APBA1: variants seen among roughly 807,000 people sequenced by gnomAD.
APBA1 encodes amyloid-beta A4 precursor protein-binding family A member 1.
In APBA1, 55 loss-of-function variants were observed where a neutral mutation model predicts 86.6. The observed-to-expected ratio is 0.64, with a 90% CI of 0.51 to 0.80. The LOEUF (loss-of-function observed/expected upper bound fraction) is 0.80, where lower values mean the gene tolerates loss of function less well. Among genes scored for constraint, APBA1 ranks in the 30% least tolerant of loss-of-function variants. The pLI is 0.00. For missense variants in APBA1, 1,090 were observed against 1,183.0 expected, an observed-to-expected ratio of 0.92 and a Z score of 1.15; for synonymous variants, 511 against 493.9, an observed-to-expected ratio of 1.03 and a Z score of -0.46.
At chr9:69,550,176 T>G (rs1016309514) in intron 1 of APBA1, among the ~76,000 whole-genome samples, 4 of 152,252 alleles carry the variant, frequency 2.6e-5, no homozygotes, top group African/African-American at 9.6e-5. Context: ...TTTATTTAGC[T>G]GTTTTATTAT....
At chr9:69,483,668 G>C (rs1449965978) in intron 2 of APBA1, among the ~76,000 whole-genome samples, 1 of 152,156 alleles carries the variant, frequency 6.6e-6, no homozygotes, top group African/African-American at 2.4e-5. Context: ...AATGCTGTGA[G>C]GCTTGAATTT....
At chr9:69,566,651 C>G (rs1837031081) in intron 1 of APBA1, among the ~76,000 whole-genome samples, 1 of 152,132 alleles carries the variant, frequency 6.6e-6, no homozygotes, top group Non-Finnish European at 1.5e-5. Context: ...CTGATCTGCT[C>G]TCCTAAAACT....
intron 2 of APBA1, among the ~76,000 whole-genome samples, chr9:69,504,845 T>G (rs1334683201): frequency 6.6e-6 from 1 of 152,078 alleles, no homozygotes; most frequent in Non-Finnish European, 1.5e-5. Context: ...GCCTCCCATC[T>G]TCTGCGGGGA....
intron 1 of APBA1, among the ~76,000 whole-genome samples, chr9:69,543,313 A>C (rs1045439472): frequency 6.9e-6 from 1 of 145,018 alleles, no homozygotes; most frequent in African/African-American, 2.6e-5. Flanking sequence ...CACAGCCTGC[A>C]CTGCACTTGT....
At chr9:69,663,436 A>T (rs1159759593) in intron 1 of APBA1, among the ~76,000 whole-genome samples, 1 of 152,234 alleles carries the variant, frequency 6.6e-6, no homozygotes, top group African/African-American at 2.4e-5. Flanking sequence ...GGGGGTAATT[A>T]TTCTTGTTAA....
At chr9:69,467,744 G>C in intron 5 of APBA1, 79 bp downstream of exon 5, 6 of 1,544,884 alleles carry the variant, frequency 3.9e-6, no homozygotes, top group Non-Finnish European at 4.4e-6. Flanking sequence ...ACTATATGTG[G>C]AGTTGTGGCC....
intron 1 of APBA1, among the ~76,000 whole-genome samples, chr9:69,652,649 A>G: frequency 6.6e-6 from 1 of 152,204 alleles, no homozygotes; most frequent in Non-Finnish European, 1.5e-5. Flanking sequence ...AATATAAATT[A>G]ATTAAATTTT....
intron 1 of APBA1, among the ~76,000 whole-genome samples, chr9:69,539,412 T>C (rs1836562913): frequency 6.6e-6 from 1 of 152,216 alleles, no homozygotes; most frequent in Admixed American, 6.5e-5. Context: ...CTTTTAATCC[T>C]TTTTTTCATA....
intron 2 of APBA1, among the ~76,000 whole-genome samples, chr9:69,490,938 T>C (rs940075004): frequency 6.6e-6 from 1 of 152,018 alleles, no homozygotes; most frequent in Non-Finnish European, 1.5e-5. Flanking sequence ...TGGCGATCAC[T>C]AAAAAGTCAG....
intron 1 of APBA1, among the ~76,000 whole-genome samples, chr9:69,534,841 C>A (rs1324645075): frequency 3.9e-5 from 6 of 152,144 alleles, no homozygotes; most frequent in Non-Finnish European, 8.8e-5. Flanking sequence ...TATCTATTGA[C>A]TTCCTACTGT....
intron 1 of APBA1, among the ~76,000 whole-genome samples, chr9:69,572,403 C>A (rs1215373742): frequency 6.6e-6 from 1 of 152,206 alleles, no homozygotes; most frequent in East Asian, 1.9e-4. Flanking sequence ...ATCCATGCCC[C>A]TGCATCTCCC....
intron 2 of APBA1, among the ~76,000 whole-genome samples, chr9:69,496,014 G>C (rs531321232): frequency 6.6e-6 from 1 of 152,082 alleles, no homozygotes; most frequent in Admixed American, 6.5e-5. Flanking sequence ...GGGCCAATAC[G>C]GTTTGAACCA....
At chr9:69,449,042 T>C (rs1313839485) in intron 10 of APBA1, among the ~76,000 whole-genome samples, 1 of 152,226 alleles carries the variant, frequency 6.6e-6, no homozygotes, top group African/African-American at 2.4e-5. Flanking sequence ...TTCCATGGAC[T>C]GGAAGAGAGT....
At chr9:69,555,207 G>A (rs562417323) in intron 1 of APBA1, among the ~76,000 whole-genome samples, 1 of 152,208 alleles carries the variant, frequency 6.6e-6, no homozygotes, top group South Asian at 2.1e-4. Context: ...CAATGCATGG[G>A]AGGAAACAAG....
At chr9:69,553,011 C>A (rs62567255) in intron 1 of APBA1, among the ~76,000 whole-genome samples, 20,623 of 151,602 alleles carry the variant, frequency 0.14, 1,739 homozygotes, top group Admixed American at 0.18. Context: ...TGAAGCAATC[C>A]TCCCACCTAA....
chr9:69,509,063 TA>T (rs1835984256), intron 2 of APBA1, among the ~76,000 whole-genome samples: 1 of 142,024 alleles, frequency 7.0e-6, no homozygotes, highest in Non-Finnish European at 1.5e-5. Context: ...AAGAAATAAC[TA>T]AAATCAGAGC....
intron 1 of APBA1, 146 bp from the exon 2 acceptor site, chr9:69,517,425 G>A (rs966433341): frequency 1.0e-4 from 75 of 736,272 alleles, no homozygotes; most frequent in Non-Finnish European, 1.4e-4. Flanking sequence ...AGTTCAATCT[G>A]ACAGCACATA....
chr9:69,589,597 C>T (rs1331159812), intron 1 of APBA1, among the ~76,000 whole-genome samples: 1 of 152,028 alleles, frequency 6.6e-6, no homozygotes, highest in Non-Finnish European at 1.5e-5. Context: ...CTCATTTAGC[C>T]CATGGTTTTC....
chr9:69,616,829 A>G (rs1261215734), intron 1 of APBA1, among the ~76,000 whole-genome samples: 1 of 152,170 alleles, frequency 6.6e-6, no homozygotes, highest in East Asian at 1.9e-4. Context: ...ATGCTTCTGG[A>G]GAAAGATCTT....
Sources: allele counts gnomAD v4.1 joint callset (sites outside exome capture counted in the v4.1 genomes callset), GRCh38; gene constraint gnomAD v4.1.1; transcripts MANE v1.5; gene names NCBI Gene and HGNC (gene_info 2026-07-23, HGNC 2026-07-21).